Variants in EYS observed in about 807,000 individuals in gnomAD.
EYS encodes protein eyes shut homolog.
EYS carries 250 observed loss-of-function variants against 282.1 expected under a neutral mutation model. The ratio of observed to expected loss-of-function variants is 0.89; its 90% confidence interval spans 0.80 to 0.98. The LOEUF (loss-of-function observed/expected upper bound fraction) is 0.98, where lower values mean the gene tolerates loss of function less well. Ranked by LOEUF, EYS falls within the 50% of genes least tolerant of loss-of-function variation. The pLI, the probability that EYS is intolerant of heterozygous loss-of-function variation, is 0.00. For synonymous variants in EYS, 1,355 were observed against 1,282.9 expected (o/e 1.06, Z -1.20); for missense variants, 4,016 against 3,709.0 (o/e 1.08, Z -2.15).
intron 30 of EYS, among the ~76,000 whole-genome samples, chr6:64,305,047 T>C (rs1427958648): frequency 6.6e-6 from 1 of 152,170 alleles, no homozygotes; most frequent in East Asian, 1.9e-4. Flanking sequence ...CTCAACAAAA[T>C]TGACAAATCT....
chr6:64,205,712 C>T (rs1033353431), intron 31 of EYS, among the ~76,000 whole-genome samples: 2 of 151,940 alleles, frequency 1.3e-5, no homozygotes, highest in African/African-American at 4.8e-5. Flanking sequence ...TTTACAGGCA[C>T]CCCTTGATGG....
Position 64,337,293 on chromosome 6 carries a change from G to T in EYS, c.6079-30211C>A, listed in dbSNP as rs370874892. ...ATAACCTCATTAAGAAAAGAAATGG[G>T]AGATACTACAACAGACACCACTGAA... On this transcript the variant is annotated intron_variant, in intron 29 of 42. Transcript: ENST00000503581. 3.3e-5 allele frequency among the ~76,000 whole-genome samples: 5 copies of T among 152,062 alleles called. No individual in the cohort carries two copies. In the East Asian group the frequency reaches 9.7e-4, roughly 29 times the overall value.
At chr6:65,249,098 G>C (rs1238972544) in intron 12 of EYS, among the ~76,000 whole-genome samples, 3 of 148,996 alleles carry the variant, frequency 2.0e-5, no homozygotes, top group Non-Finnish European at 4.5e-5. Context: ...AAACCAACAT[G>C]AACAAACTGT....
chr6:64,203,718 CA>C (rs1765539461), intron 31 of EYS, among the ~76,000 whole-genome samples: 1 of 152,082 alleles, frequency 6.6e-6, no homozygotes, highest in South Asian at 2.1e-4. Flanking sequence ...GAGGATAAAA[CA>C]ATTACAGAAC....
At chr6:65,378,007 C>T (rs1479182996) in intron 8 of EYS, among the ~76,000 whole-genome samples, 1 of 151,928 alleles carries the variant, frequency 6.6e-6, no homozygotes, top group Non-Finnish European at 1.5e-5. Flanking sequence ...CCTTCTGAAA[C>T]TATTCTAAAC....
chr6:63,878,161 G>C (rs1227372320), intron 35 of EYS, among the ~76,000 whole-genome samples: 1 of 150,980 alleles, frequency 6.6e-6, no homozygotes, highest in Admixed American at 6.6e-5. Context: ...TTTTGGTGTG[G>C]ATGTCCTTTC....
intron 36 of EYS, among the ~76,000 whole-genome samples, chr6:63,836,409 A>G (rs1250504271): frequency 6.6e-6 from 1 of 152,082 alleles, no homozygotes; most frequent in East Asian, 1.9e-4. Context: ...AAGAAAAAAA[A>G]GATTAACAGA....
intron 22 of EYS, among the ~76,000 whole-genome samples, chr6:64,650,991 C>A (rs1224201540): frequency 1.3e-5 from 2 of 151,996 alleles, no homozygotes; most frequent in Admixed American, 6.6e-5. Flanking sequence ...TGTCTGGCAA[C>A]TCCTTAATGA....
At chr6:64,957,832 A>G (rs1297907992) in intron 14 of EYS, among the ~76,000 whole-genome samples, 2 of 152,184 alleles carry the variant, frequency 1.3e-5, no homozygotes, top group East Asian at 3.8e-4. Flanking sequence ...TTCACAGCAA[A>G]ACAGAGACAA....
chr6:65,459,958 T>TG (rs1414162442), intron 5 of EYS, among the ~76,000 whole-genome samples: 11 of 110,660 alleles, frequency 9.9e-5, no homozygotes, highest in South Asian at 3.0e-4. Context: ...TGTGTGTGTG[T>TG]TTGTGTATTT....
chr6:64,470,238 G>C (rs186796546), intron 26 of EYS, among the ~76,000 whole-genome samples: 1 of 151,924 alleles, frequency 6.6e-6, no homozygotes, highest in Non-Finnish European at 1.5e-5. Context: ...CACACACAGC[G>C]AAAAACCCAT....
intron 19 of EYS, among the ~76,000 whole-genome samples, chr6:64,854,053 C>A (rs1321740777): frequency 6.6e-6 from 1 of 151,794 alleles, no homozygotes; most frequent in Admixed American, 6.6e-5. Flanking sequence ...CAGTGAGATA[C>A]CATCTCACAC....
intron 31 of EYS, among the ~76,000 whole-genome samples, chr6:64,205,959 G>C (rs113777075): frequency 0.027 from 4,119 of 152,108 alleles, 58 homozygotes; most frequent in African/African-American, 0.042. Context: ...TTTAGAGAAA[G>C]TATCTCATTA....
At chr6:64,205,414 T>A (rs1765583361) in intron 31 of EYS, among the ~76,000 whole-genome samples, 1 of 152,132 alleles carries the variant, frequency 6.6e-6, no homozygotes, top group Non-Finnish European at 1.5e-5. Context: ...AGCCTGACGA[T>A]AATGACCTGA....
At chr6:64,155,992 G>A (rs1027289383) in intron 31 of EYS, among the ~76,000 whole-genome samples, 7 of 147,282 alleles carry the variant, frequency 4.8e-5, no homozygotes, top group Admixed American at 6.8e-5. Context: ...ATATATATAT[G>A]TGTGTGTGTG....
rs762794153 is a variant in EYS at position 65,490,706 on chromosome 6, TC to T, written c.749del (p.Gly250GlufsTer7). The T allele has an allele frequency of 4.4e-6, 7 of 1,606,378 alleles. No individual in the cohort carries two copies. The highest frequency in any genetic ancestry group is 6.0e-6 in the Non-Finnish European group (7 of 1,173,468). On this transcript the variant is annotated frameshift_variant and splice_region_variant, in exon 5 of 43. Coordinates refer to ENST00000503581, the MANE Select transcript of EYS (RefSeq NM_001142800.2). LOFTEE classifies it high-confidence loss of function. ...YECVCHPPFT[G>X]KNCSEIIGQC... ...GGCCAATTATTTCTGAGCAATTCTT[TC>T]CTATAACAATGAAAAAAAGTTTTTT...
chr6:64,781,736 T>A (rs1773869844), intron 22 of EYS, among the ~76,000 whole-genome samples: 1 of 152,188 alleles, frequency 6.6e-6, no homozygotes, highest in Non-Finnish European at 1.5e-5. Flanking sequence ...TGGTTTTCTT[T>A]TTCATACATT....
chr6:65,342,521 G>C (rs1770237144), intron 10 of EYS, among the ~76,000 whole-genome samples: 1 of 150,370 alleles, frequency 6.7e-6, no homozygotes, highest in Non-Finnish European at 1.5e-5. Context: ...AATTATTTTG[G>C]ATGCCTGAAC....
chr6:64,142,137 C>T, intron 31 of EYS, among the ~76,000 whole-genome samples: 1 of 152,042 alleles, frequency 6.6e-6, no homozygotes, highest in East Asian at 1.9e-4. Context: ...TCAAGAGGGT[C>T]ATTGAGTACC....
Sources: allele counts gnomAD v4.1 joint callset (sites outside exome capture counted in the v4.1 genomes callset), GRCh38; gene constraint gnomAD v4.1.1; transcripts MANE v1.5; gene names NCBI Gene and HGNC (gene_info 2026-07-23, HGNC 2026-07-21).